MAGI1: variants seen among roughly 807,000 people sequenced by gnomAD.
The protein encoded by MAGI1 is membrane associated guanylate kinase, WW and PDZ domain containing 1, also known as membrane-associated guanylate kinase, WW and PDZ domain-containing protein 1.
In MAGI1, 58 loss-of-function variants were observed where a neutral mutation model predicts 139.9. The observed-to-expected ratio is 0.41, with a 90% CI of 0.34 to 0.52. The LOEUF (loss-of-function observed/expected upper bound fraction) is 0.52. Ranked by LOEUF, MAGI1 falls within the 20% of genes least tolerant of loss-of-function variation. MAGI1 has a pLI of 0.12. For missense variants in MAGI1, 1,874 were observed against 1,901.6 expected (o/e 0.99, Z 0.27); for synonymous variants, 812 against 737.9 (o/e 1.10, Z -1.63).
chr3:66,034,681 T>C (rs1021228997), intron 1 of MAGI1, among the ~76,000 whole-genome samples: 2 of 152,078 alleles, frequency 1.3e-5, no homozygotes, highest in Non-Finnish European at 2.9e-5. Context: ...ATACTCCAAA[T>C]GTCCATAAAC....
intron 2 of MAGI1, among the ~76,000 whole-genome samples, chr3:65,502,544 C>T (rs915901945): frequency 6.6e-6 from 1 of 152,172 alleles, no homozygotes; most frequent in African/African-American, 2.4e-5. Context: ...ATTGCTTGAA[C>T]CCAGTAGTTC....
chr3:65,552,259 G>GGTGTGTGTGTGTGTGT (rs10576104), intron 2 of MAGI1, among the ~76,000 whole-genome samples: 1 of 147,940 alleles, frequency 6.8e-6, no homozygotes, highest in African/African-American at 2.5e-5. Context: ...TGTGTATAGG[G>GGTGTGTGTGTGTGTGT]GTGTGTGTGT....
intron 13 of MAGI1, among the ~76,000 whole-genome samples, chr3:65,398,138 G>C (rs1944540535): frequency 1.3e-5 from 2 of 152,078 alleles, no homozygotes; most frequent in South Asian, 4.2e-4. Flanking sequence ...GTTATTTAAT[G>C]GGTTCTAAAT....
intron 14 of MAGI1, chr3:65,387,219 T>G: frequency 6.2e-7 from 1 of 1,613,406 alleles, no homozygotes; most frequent in African/African-American, 1.3e-5. Context: ...CAGGTGAAGG[T>G]GACATAGCTG....
intron 14 of MAGI1, among the ~76,000 whole-genome samples, chr3:65,390,176 A>C (rs1943796859): frequency 6.6e-6 from 1 of 152,208 alleles, no homozygotes; most frequent in South Asian, 2.1e-4. Context: ...CCTGCTGAGC[A>C]GTGACCACAT....
At chr3:65,622,358 T>C (rs2083727533) in intron 1 of MAGI1, among the ~76,000 whole-genome samples, 1 of 152,234 alleles carries the variant, frequency 6.6e-6, no homozygotes, top group South Asian at 2.1e-4. Context: ...TAATGTAGGC[T>C]ATTACATTTA....
At position 65,923,226 on chromosome 3, in the gene MAGI1, C is replaced by CTTTTTTTTTTTTTTTTTTTTTTTT. The variant is rs72035925; in HGVS notation, c.313+114769_313+114770insAAAAAAAAAAAAAAAAAAAAAAAA. On this transcript the variant is annotated intron_variant, in intron 1 of 22. Transcript: ENST00000402939. ...TGTTAAGCTTGCATTCAACAGACATCTTTTTTTTTTTTTTTTTGAGATGGA... is the reference window on the plus strand; with the variant it reads ...TGTTAAGCTTGCATTCAACAGACATCTTTTTTTTTTTTTTTTTTTTTTTTTTTTTTTTTTTTTTTTTGAGATGGA... 1.4e-5 allele frequency among the ~76,000 whole-genome samples: 2 copies of CTTTTTTTTTTTTTTTTTTTTTTTT among 139,962 alleles called. 1 individual carries two copies. 91.8% of individuals were successfully genotyped at this position (139,962 alleles called of 152,430 possible). A position where few individuals can be genotyped will look rare whatever the true frequency, so the allele number is the denominator to read the frequency against.
At chr3:65,733,494 A>T (rs1184405208) in intron 1 of MAGI1, among the ~76,000 whole-genome samples, 1 of 152,254 alleles carries the variant, frequency 6.6e-6, no homozygotes, top group Non-Finnish European at 1.5e-5. Context: ...AGCCCATCAG[A>T]GCAGACATTT....
At chr3:65,570,162 G>A (rs2080888533) in intron 2 of MAGI1, among the ~76,000 whole-genome samples, 1 of 150,488 alleles carries the variant, frequency 6.6e-6, no homozygotes, top group Admixed American at 6.6e-5. Context: ...AAGTACAGTG[G>A]TGCGATCTTG....
chr3:65,487,029 C>G (rs1951681129), intron 3 of MAGI1, among the ~76,000 whole-genome samples: 1 of 152,184 alleles, frequency 6.6e-6, no homozygotes, highest in Admixed American at 6.5e-5. Context: ...CCAGATTCAG[C>G]TGACTATTTA....
At chr3:65,910,092 G>A (rs1457219494) in intron 1 of MAGI1, among the ~76,000 whole-genome samples, 1 of 152,202 alleles carries the variant, frequency 6.6e-6, no homozygotes, top group Non-Finnish European at 1.5e-5. Flanking sequence ...GTTCGGCTCA[G>A]TTCCTAACAG....
intron 1 of MAGI1, among the ~76,000 whole-genome samples, chr3:65,834,334 A>T (rs1371200816): frequency 6.6e-6 from 1 of 152,040 alleles, no homozygotes; most frequent in Non-Finnish European, 1.5e-5. Flanking sequence ...CAGAAACCTC[A>T]AACAGTGTGA....
chr3:65,800,589 C>T (rs2040453137), intron 1 of MAGI1, among the ~76,000 whole-genome samples: 2 of 151,198 alleles, frequency 1.3e-5, no homozygotes, highest in African/African-American at 2.4e-5. Flanking sequence ...AGAAATGCAT[C>T]CAATAAGATA....
chr3:65,391,155 C>A lies in MAGI1; in HGVS notation c.2403G>T (p.Met801Ile). 3 of 1,614,194 alleles carry A rather than the reference C, an allele frequency of 1.9e-6. No individual in the cohort carries two copies. In the South Asian group the frequency reaches 3.3e-5, roughly 18 times the overall value. ...GATGCTACTCACGTCGGTTTTCATACATGCTCCTGGACTGGGCCCAGATTT... is the reference window on the plus strand; with the variant it reads ...GATGCTACTCACGTCGGTTTTCATAAATGCTCCTGGACTGGGCCCAGATTT... ...PFKIWAQSRSMYENRLPDYQE... is the reference protein window; with the variant it reads ...PFKIWAQSRSIYENRLPDYQE... The change falls in exon 14 of 23, where the codon ATG (methionine) becomes ATT (isoleucine). Residue 801 changes from methionine (M) to isoleucine (I), a missense_variant. Physicochemically the swap from Met to Ile is conservative, Grantham distance 10. Coordinates refer to ENST00000402939, the MANE Select transcript of MAGI1 (RefSeq NM_001033057.2).
chr3:65,696,007 C>G (rs1204682538), intron 1 of MAGI1, among the ~76,000 whole-genome samples: 1 of 152,306 alleles, frequency 6.6e-6, no homozygotes, highest in Admixed American at 6.5e-5. Flanking sequence ...CTCAAACCCT[C>G]CAACAGCTCC....
At chr3:66,012,535 G>C (rs890195124) in intron 1 of MAGI1, among the ~76,000 whole-genome samples, 3 of 152,132 alleles carry the variant, frequency 2.0e-5, no homozygotes, top group African/African-American at 7.2e-5. Flanking sequence ...GGAGCCTGAG[G>C]CGAGTGGATC....
At chr3:66,024,040 C>G (rs540681190) in intron 1 of MAGI1, among the ~76,000 whole-genome samples, 19 of 152,226 alleles carry the variant, frequency 1.2e-4, no homozygotes, top group African/African-American at 4.3e-4. Context: ...AGACCACTTC[C>G]AAAATGTACT....
At chr3:65,882,591 A>G (rs2108533069) in intron 1 of MAGI1, among the ~76,000 whole-genome samples, 1 of 152,266 alleles carries the variant, frequency 6.6e-6, no homozygotes, top group East Asian at 1.9e-4. Context: ...AGAGAGAAAG[A>G]AAGGAAAAAG....
intron 4 of MAGI1, among the ~76,000 whole-genome samples, chr3:65,477,113 G>A (rs1482911146): frequency 1.3e-5 from 2 of 152,176 alleles, no homozygotes; most frequent in African/African-American, 4.8e-5. Flanking sequence ...CCAAGCCAGG[G>A]TAACAAACAA....
Sources: gnomAD v4.1 joint callset for allele counts (sites outside exome capture counted in the v4.1 genomes callset) on GRCh38, gnomAD v4.1.1 for gene constraint, MANE v1.5 for transcripts, NCBI Gene and HGNC (gene_info 2026-07-23, HGNC 2026-07-21) for gene names.